Variants in FMN1 observed in about 807,000 individuals in gnomAD.
FMN1 encodes the protein formin 1.
FMN1 carries 110 observed loss-of-function variants against 132.4 expected under a neutral mutation model. That is an observed-to-expected ratio of 0.83 (90% CI 0.71 to 0.97). FMN1 has a LOEUF of 0.97. FMN1 is among the 50% of genes least tolerant of loss of function. The pLI is 0.00. For synonymous variants in FMN1, 722 were observed against 651.7 expected, an observed-to-expected ratio of 1.11 and a Z score of -1.64; for missense variants, 1,792 against 1,705.3, an observed-to-expected ratio of 1.05 and a Z score of -0.90.
chr15:33,132,374 A>C (rs977030559), intron 4 of FMN1, among the ~76,000 whole-genome samples: 2 of 152,186 alleles, frequency 1.3e-5, no homozygotes, highest in Non-Finnish European at 2.9e-5. Context: ...AGAATCAGCT[A>C]GTCTTTCTCA....
intron 10 of FMN1, among the ~76,000 whole-genome samples, chr15:32,924,402 A>G (rs1179948855): frequency 6.6e-6 from 1 of 152,186 alleles, no homozygotes; most frequent in Non-Finnish European, 1.5e-5. Context: ...GCTCCCTTGA[A>G]TGGAAAAGTA....
chr15:32,901,041 C>A (rs940886728), intron 13 of FMN1, among the ~76,000 whole-genome samples: 1 of 152,190 alleles, frequency 6.6e-6, no homozygotes, highest in East Asian at 1.9e-4. Context: ...GTAATCCCAG[C>A]TACCTGGGAG....
chr15:33,113,315 A>G (rs576598171), intron 4 of FMN1, among the ~76,000 whole-genome samples: 1 of 152,334 alleles, frequency 6.6e-6, no homozygotes, highest in South Asian at 2.1e-4. Context: ...ATGTATTTGT[A>G]ACGTAGGTCC....
intron 4 of FMN1, among the ~76,000 whole-genome samples, chr15:33,111,189 C>T (rs963925960): frequency 6.6e-6 from 1 of 152,040 alleles, no homozygotes; most frequent in Non-Finnish European, 1.5e-5. Flanking sequence ...TTAAAATGTA[C>T]ATTGTAAAAT....
chr15:33,039,744 T>G (rs1003359498), intron 6 of FMN1, among the ~76,000 whole-genome samples: 5 of 128,810 alleles, frequency 3.9e-5, no homozygotes, highest in African/African-American at 1.4e-4. Context: ...TATCTACTGA[T>G]TTTTATTATC....
chr15:32,839,274 T>C (rs1567249440), intron 17 of FMN1, among the ~76,000 whole-genome samples: 1 of 152,064 alleles, frequency 6.6e-6, no homozygotes, highest in Non-Finnish European at 1.5e-5. Context: ...ACAGGACATT[T>C]TGAACCATTC....
chr15:33,046,668 G>A (rs2036699627), intron 6 of FMN1, among the ~76,000 whole-genome samples: 1 of 152,136 alleles, frequency 6.6e-6, no homozygotes, highest in Non-Finnish European at 1.5e-5. Flanking sequence ...CAGGGTTGCT[G>A]GGCTCTCTTA....
At chr15:32,846,965 A>G (rs1294861826) in intron 17 of FMN1, among the ~76,000 whole-genome samples, 3 of 152,222 alleles carry the variant, frequency 2.0e-5, no homozygotes, top group Non-Finnish European at 4.4e-5. Flanking sequence ...GGGGCTATAC[A>G]TAGAAAGAAA....
chr15:32,982,379 A>T (rs1040154000), intron 7 of FMN1, among the ~76,000 whole-genome samples: 1 of 152,188 alleles, frequency 6.6e-6, no homozygotes, highest in Non-Finnish European at 1.5e-5. Context: ...AGTTAAACAC[A>T]CACTTTCCAT....
intron 6 of FMN1, among the ~76,000 whole-genome samples, chr15:33,026,096 TACACACACACACACAC>T (rs58334971): frequency 4.8e-5 from 7 of 144,806 alleles, no homozygotes; most frequent in South Asian, 2.3e-4. Flanking sequence ...TGCTTAGGCA[TACACACACACACACAC>T]ACACACACAC....
chr15:32,947,271 T>G (rs1193829424), intron 9 of FMN1, among the ~76,000 whole-genome samples: 2 of 152,134 alleles, frequency 1.3e-5, no homozygotes, highest in African/African-American at 4.8e-5. Context: ...TTATTCATAG[T>G]CAATTTTGCC....
chr15:33,163,328 C>G (rs1204380028), intron 3 of FMN1, among the ~76,000 whole-genome samples: 1 of 148,376 alleles, frequency 6.7e-6, no homozygotes, highest in Admixed American at 6.8e-5. Flanking sequence ...GAGTTTCGCT[C>G]TCGTTGCCCA....
intron 5 of FMN1, among the ~76,000 whole-genome samples, chr15:33,073,729 CTTGTTTTTT>C (rs1273599413): frequency 6.8e-6 from 1 of 147,472 alleles, no homozygotes; most frequent in East Asian, 2.0e-4. Context: ...ATTTACCTAG[CTTGTTTTTT>C]TTTTTTTTTT....
rs139191627 is a variant in FMN1, at chr15:33,154,371, G to A, written c.544C>T (p.Arg182Cys). 99 of 1,536,092 alleles carry A rather than the reference G, an allele frequency of 6.4e-5. No homozygotes were observed. The African/African-American group carries it at 1.0e-3, about 15-fold the overall frequency. ...LPQKRTKRKG[R>C]GGRESAPLMG... ...AGAGGAGCTGATTCTCGGCCTCCAC[G>A]CCCTTTTCTTTTGGTCCTCTTCTGT... The change falls in exon 4 of 21, where the codon CGT becomes TGT. Residue 182 changes from arginine to cysteine, a missense_variant. This residue lies in a region of FMN1 where 638 missense variants were observed against 645.2 expected (regional missense o/e 0.99). Transcript: ENST00000616417.
intron 2 of FMN1, among the ~76,000 whole-genome samples, chr15:33,182,577 C>T (rs921236925): frequency 2.0e-5 from 3 of 152,328 alleles, no homozygotes; most frequent in Middle Eastern, 6.8e-3. Context: ...CACAGATACT[C>T]CTGTTTGGAC....
intron 9 of FMN1, among the ~76,000 whole-genome samples, chr15:32,944,049 A>C (rs2061453403): frequency 6.6e-6 from 1 of 152,188 alleles, no homozygotes; most frequent in South Asian, 2.1e-4. Flanking sequence ...TATGGCAGTG[A>C]CTACAAATGG....
intron 17 of FMN1, among the ~76,000 whole-genome samples, chr15:32,808,660 C>T (rs1053374486): frequency 6.6e-6 from 1 of 152,188 alleles, no homozygotes; most frequent in African/African-American, 2.4e-5. Context: ...GTGCTTGTGA[C>T]TATGAGATAT....
At chr15:32,912,568 CAG>C (rs986007058) in intron 10 of FMN1, among the ~76,000 whole-genome samples, 39 of 152,124 alleles carry the variant, frequency 2.6e-4, no homozygotes, top group Admixed American at 1.6e-3. Flanking sequence ...GAAAGTAAAA[CAG>C]AGAAATGTAC....
Position 32,772,432 on chromosome 15 carries a change from T to G in FMN1, c.*1878A>C, listed in dbSNP as rs2056278874. The G allele has an allele frequency of 6.6e-6, 1 of 152,206 alleles. No homozygotes were observed. Among genetic ancestry groups the G allele is most frequent in the South Asian group, 2.1e-4 (1 of 4,834 alleles). The allele number at this position is 152,206 out of a possible 1,614,324, so 9.4% of individuals were successfully genotyped here. Reference sequence around the variant, plus strand: ...GTGCATGATAACACTAGAAGGAGCATACAATGGTTATAAGTGGAATCAGTT... The same window carrying G: ...GTGCATGATAACACTAGAAGGAGCAGACAATGGTTATAAGTGGAATCAGTT... On this transcript the variant is annotated 3_prime_UTR_variant, in exon 21 of 21. Transcript: ENST00000616417.
Sources: gnomAD v4.1 joint callset for allele counts (sites outside exome capture counted in the v4.1 genomes callset) on GRCh38, gnomAD v4.1.1 for gene constraint, gnomAD v4.1.1 regional missense constraint, MANE v1.5 for transcripts, NCBI Gene and HGNC (gene_info 2026-07-23, HGNC 2026-07-21) for gene names.